NNMT: variants seen among roughly 807,000 people sequenced by gnomAD.
The protein encoded by NNMT is nicotinamide N-methyltransferase.
A neutral mutation model predicts 11.7 loss-of-function variants in NNMT; 10 were observed. That is an observed-to-expected ratio of 0.85 (90% CI 0.53 to 1.45). The LOEUF is 1.45. Ranked by LOEUF, NNMT falls within the 40% of genes most tolerant of loss-of-function variation. NNMT has a pLI of 0.00. For synonymous variants in NNMT, 143 were observed against 133.8 expected (o/e 1.07, Z -0.48); for missense variants, 381 against 319.4 (o/e 1.19, Z -1.47).
At chr11:114,296,294 C>T, upstream of NNMT, 1 of 387,248 alleles carries the variant, frequency 2.6e-6, no homozygotes, top group Non-Finnish European at 4.8e-6. Flanking sequence ...CAGCTCATGG[C>T]CCTCCCTCTA....
At chr11:114,296,372 A>T, upstream of NNMT, 1 of 599,318 alleles carries the variant, frequency 1.7e-6, no homozygotes, top group Non-Finnish European at 2.8e-6. Flanking sequence ...TAGAACAGCC[A>T]GAACATTTGT....
chr11:114,261,638 C>T (rs1446634078), intron 1 of NNMT, among the ~76,000 whole-genome samples: 5 of 152,138 alleles, frequency 3.3e-5, no homozygotes, highest in Admixed American at 2.0e-4. Flanking sequence ...CTTTGGGTCC[C>T]CTGCTATCCC....
intron 2 of NNMT, chr11:114,262,953 C>T (rs1309314940): frequency 1.3e-5 from 2 of 152,216 alleles, no homozygotes; most frequent in Non-Finnish European, 2.9e-5. Flanking sequence ...AAGATCTTCC[C>T]TAATAACTCT....
chr11:114,259,203 G>T (rs1945054538), intron 1 of NNMT, among the ~76,000 whole-genome samples: 1 of 152,208 alleles, frequency 6.6e-6, no homozygotes, highest in African/African-American at 2.4e-5. Flanking sequence ...GAAAGAGAGG[G>T]AGAAGGAGGG....
At chr11:114,268,164 T>C (rs951921724) in intron 2 of NNMT, among the ~76,000 whole-genome samples, 23 of 152,086 alleles carry the variant, frequency 1.5e-4, no homozygotes, top group South Asian at 6.2e-4. Context: ...GCCAGTGGAG[T>C]GGCGACATCG....
intron 2 of NNMT, among the ~76,000 whole-genome samples, chr11:114,305,093 G>A (rs1198158887): frequency 6.6e-6 from 1 of 152,208 alleles, no homozygotes; most frequent in Non-Finnish European, 1.5e-5. Flanking sequence ...AATGCAGGCT[G>A]TCAGGCCCCA....
intron 2 of NNMT, among the ~76,000 whole-genome samples, chr11:114,306,430 A>G (rs1007046225): frequency 1.3e-5 from 2 of 152,144 alleles, no homozygotes; most frequent in Non-Finnish European, 1.5e-5. Context: ...GCCCATGCCT[A>G]TGGCCTGAAT....
At chr11:114,299,934 C>T (rs1367137208) in intron 2 of NNMT, among the ~76,000 whole-genome samples, 3 of 151,912 alleles carry the variant, frequency 2.0e-5, no homozygotes, top group African/African-American at 7.2e-5. Flanking sequence ...ACAGATTGAT[C>T]ATTTTATTAA....
upstream of NNMT, chr11:114,296,257 C>CG: frequency 4.0e-6 from 1 of 248,552 alleles, no homozygotes; most frequent in East Asian, 7.4e-5. Context: ...GGCGGCTGGC[C>CG]TTCATCCCTT....
intron 2 of NNMT, among the ~76,000 whole-genome samples, chr11:114,280,741 T>C (rs1945254035): frequency 6.6e-6 from 1 of 152,114 alleles, no homozygotes; most frequent in Non-Finnish European, 1.5e-5. Context: ...GACCAAGACC[T>C]GTTTTTGGAT....
intron 2 of NNMT, among the ~76,000 whole-genome samples, chr11:114,280,675 C>T (rs892617633): frequency 2.0e-5 from 3 of 152,106 alleles, no homozygotes; most frequent in African/African-American, 7.2e-5. Flanking sequence ...TGTGTCTCTG[C>T]GATGTGCCCT....
chr11:114,271,888 G>A (rs955809562), intron 2 of NNMT, among the ~76,000 whole-genome samples: 3 of 152,124 alleles, frequency 2.0e-5, no homozygotes, highest in African/African-American at 7.2e-5. Context: ...GTACAGTGGA[G>A]CAGAAGAGAT....
intron 2 of NNMT, among the ~76,000 whole-genome samples, chr11:114,304,162 G>A (rs1018995773): frequency 1.3e-5 from 2 of 152,094 alleles, no homozygotes; most frequent in Admixed American, 6.5e-5. Context: ...AGGGTTTGTA[G>A]AATCTCAGGG....
intron 2 of NNMT, among the ~76,000 whole-genome samples, chr11:114,266,636 A>G (rs1945122066): frequency 6.7e-6 from 1 of 149,360 alleles, no homozygotes; most frequent in Non-Finnish European, 1.5e-5. Flanking sequence ...TTACCTGACC[A>G]TCTGCTATGG....
chr11:114,273,418 C>T (rs2135249874), intron 2 of NNMT, among the ~76,000 whole-genome samples: 1 of 152,300 alleles, frequency 6.6e-6, no homozygotes, highest in African/African-American at 2.4e-5. Context: ...TGTGTCAACC[C>T]AGTCTCTCCC....
At chr11:114,298,374 A>G in intron 2 of NNMT, 1 of 548,230 alleles carries the variant, frequency 1.8e-6, no homozygotes, top group South Asian at 2.1e-5. Flanking sequence ...TGGAAGACAC[A>G]GGGAGAGGGT....
chr11:114,293,242 T>C (rs543511801), upstream of NNMT, among the ~76,000 whole-genome samples: 1 of 152,292 alleles, frequency 6.6e-6, no homozygotes, highest in East Asian at 1.9e-4. Flanking sequence ...GGTCTGTGAA[T>C]TGACATTTGA....
intron 2 of NNMT, among the ~76,000 whole-genome samples, chr11:114,285,052 C>G (rs1258677803): frequency 6.6e-6 from 1 of 152,088 alleles, no homozygotes; most frequent in African/African-American, 2.4e-5. Context: ...GCGACTGTGC[C>G]TGGCCCCAAC....
intron 2 of NNMT, among the ~76,000 whole-genome samples, chr11:114,266,771 C>G (rs1945123386): frequency 6.6e-6 from 1 of 152,208 alleles, no homozygotes; most frequent in African/African-American, 2.4e-5. Context: ...AAAACAAGCT[C>G]TCTCTGGCTT....
Sources: allele counts gnomAD v4.1 joint callset (sites outside exome capture counted in the v4.1 genomes callset), GRCh38; gene constraint gnomAD v4.1.1; transcripts MANE v1.5; gene names NCBI Gene and HGNC (gene_info 2026-07-23, HGNC 2026-07-21).